Variants in HERC1 observed in about 807,000 individuals in gnomAD.
HERC1 encodes the protein probable E3 ubiquitin-protein ligase HERC1.
A neutral mutation model predicts 554.3 loss-of-function variants in HERC1; 160 were observed. That is an observed-to-expected ratio of 0.29 (90% CI 0.25 to 0.33). The LOEUF is 0.33. HERC1 is among the 10% of genes least tolerant of loss of function. The probability of loss-of-function intolerance (pLI) is 1.00; values close to 1 mark genes in which losing one functional copy is unlikely to be tolerated. For synonymous variants in HERC1, 2,175 were observed against 2,131.7 expected, an observed-to-expected ratio of 1.02 and a Z score of -0.56; for missense variants, 4,919 against 5,918.5, an observed-to-expected ratio of 0.83 and a Z score of 5.54.
intron 1 of HERC1, among the ~76,000 whole-genome samples, chr15:63,817,892 T>C (rs2077548918): frequency 6.6e-6 from 1 of 151,908 alleles, no homozygotes; most frequent in African/African-American, 2.4e-5. Flanking sequence ...TATACTATAA[T>C]AAAAAGATAA....
intron 14 of HERC1, among the ~76,000 whole-genome samples, 184 bp downstream of exon 14, chr15:63,732,740 G>T (rs1261101275): frequency 6.6e-6 from 1 of 152,136 alleles, no homozygotes; most frequent in African/African-American, 2.4e-5. Flanking sequence ...AAATCCCTTT[G>T]AAATTCTCAA....
At chr15:63,618,018 C>T (rs939307643) in intron 74 of HERC1, among the ~76,000 whole-genome samples, 7 of 152,154 alleles carry the variant, frequency 4.6e-5, no homozygotes, top group African/African-American at 1.7e-4. Context: ...AATTAGATCC[C>T]ATTTGTCAAT....
chr15:63,658,518 A>G (rs2152921745), intron 48 of HERC1, 26 bp downstream of exon 48: 2 of 1,587,594 alleles, frequency 1.3e-6, no homozygotes, highest in South Asian at 1.1e-5. Flanking sequence ...TTAACTTAGC[A>G]TCATGTGACA....
chr15:63,666,865 C>T (rs2070668175), intron 40 of HERC1, among the ~76,000 whole-genome samples: 1 of 152,138 alleles, frequency 6.6e-6, no homozygotes, highest in Non-Finnish European at 1.5e-5. Flanking sequence ...CAGCTGAGGT[C>T]CAACAAGGTG....
intron 76 of HERC1, among the ~76,000 whole-genome samples, chr15:63,615,409 G>C (rs2067773073): frequency 6.6e-6 from 1 of 152,184 alleles, no homozygotes; most frequent in African/African-American, 2.4e-5. Flanking sequence ...AGGAGTTCAA[G>C]ACCAGCCTGG....
At position 63,718,470 on chromosome 15, in the gene HERC1, C is replaced by T; in HGVS notation, c.3978+104G>A. 9.5e-7 allele frequency: 1 copy of T among 1,054,504 alleles called. No individual in the cohort carries two copies. Among genetic ancestry groups the T allele is most frequent in the Non-Finnish European group, 1.3e-6 (1 of 746,248 alleles). The allele number at this position is 1,054,504 out of a possible 1,614,324, so 65.3% of individuals were successfully genotyped here. On this transcript the variant is annotated intron_variant, in intron 21 of 77. Transcript: ENST00000443617. The surrounding 1 kb of genome is among the most constrained non-coding windows in gnomAD (Gnocchi z 4.2). Reference sequence around the variant, plus strand: ...AAAGAACTACTCAACATGTATTGAACATATGCAATAACCAAGGCACATTTT... The same window carrying T: ...AAAGAACTACTCAACATGTATTGAATATATGCAATAACCAAGGCACATTTT...
chr15:63,682,785 C>G (rs935761209), intron 34 of HERC1, among the ~76,000 whole-genome samples: 1 of 151,416 alleles, frequency 6.6e-6, no homozygotes, highest in African/African-American at 2.4e-5. Flanking sequence ...AGGAAGAAAA[C>G]TTTTAAAAAC....
intron 14 of HERC1, among the ~76,000 whole-genome samples, chr15:63,731,505 C>A (rs2074291109): frequency 6.6e-6 from 1 of 152,082 alleles, no homozygotes; most frequent in South Asian, 2.1e-4. Context: ...AATTTTTGGT[C>A]ATTAACAAAT....
intron 1 of HERC1, among the ~76,000 whole-genome samples, chr15:63,823,012 C>A (rs556543612): frequency 6.6e-6 from 1 of 152,214 alleles, no homozygotes; most frequent in East Asian, 1.9e-4. Flanking sequence ...CTGTGTTGTA[C>A]AAATTTAGTT....
intron 12 of HERC1, among the ~76,000 whole-genome samples, chr15:63,743,199 C>T (rs1459374578): frequency 1.3e-5 from 2 of 151,268 alleles, no homozygotes; most frequent in African/African-American, 4.9e-5. Flanking sequence ...TGTGCTTCAA[C>T]CTTTTTTATT....
chr15:63,629,204 C>A (rs1442281687), intron 69 of HERC1, among the ~76,000 whole-genome samples: 4 of 152,168 alleles, frequency 2.6e-5, no homozygotes, highest in Non-Finnish European at 5.9e-5. Flanking sequence ...CCCACCTTGG[C>A]CTCCCAAAGT....
intron 1 of HERC1, among the ~76,000 whole-genome samples, chr15:63,789,789 G>A (rs939073164): frequency 2.7e-5 from 2 of 73,142 alleles, no homozygotes; most frequent in East Asian, 2.1e-4. Flanking sequence ...GCGACCAAGC[G>A]AGCCCTGTCT....
intron 65 of HERC1, among the ~76,000 whole-genome samples, chr15:63,635,126 C>T (rs543718414): frequency 6.6e-6 from 1 of 152,012 alleles, no homozygotes; most frequent in African/African-American, 2.4e-5. Flanking sequence ...CAGCTCACTG[C>T]AGCCCCAAAC....
chr15:63,783,720 G>A (rs544258722), intron 1 of HERC1, among the ~76,000 whole-genome samples: 6 of 152,168 alleles, frequency 3.9e-5, no homozygotes, highest in Non-Finnish European at 8.8e-5. Context: ...GGTAGACCAT[G>A]AATTCCTTTG....
At chr15:63,767,653 G>C (rs562590891) in intron 2 of HERC1, among the ~76,000 whole-genome samples, 1 of 152,088 alleles carries the variant, frequency 6.6e-6, no homozygotes, top group African/African-American at 2.4e-5. Flanking sequence ...AGCCGAGATC[G>C]CCCCACCGCA....
chr15:63,737,579 G>T (rs2141228624), intron 12 of HERC1, among the ~76,000 whole-genome samples: 1 of 126,250 alleles, frequency 7.9e-6, no homozygotes, highest in Non-Finnish European at 1.6e-5. Context: ...AAGGGGTTTT[G>T]CATATTGGCC....
chr15:63,829,884 A>C (rs1450119485), intron 1 of HERC1, among the ~76,000 whole-genome samples: 1 of 152,074 alleles, frequency 6.6e-6, no homozygotes, highest in Non-Finnish European at 1.5e-5. Flanking sequence ...AAAATAAATA[A>C]TGATAGTATT....
intron 34 of HERC1, among the ~76,000 whole-genome samples, chr15:63,681,298 C>T (rs2071466159): frequency 6.6e-6 from 1 of 152,046 alleles, no homozygotes; most frequent in Non-Finnish European, 1.5e-5. Context: ...AATTCCTGGG[C>T]TCAAGCAATT....
At chr15:63,626,351 GA>G (rs1227275829) in intron 70 of HERC1, among the ~76,000 whole-genome samples, 197 bp from the exon 71 acceptor site, 4 of 151,984 alleles carry the variant, frequency 2.6e-5, no homozygotes, top group African/African-American at 2.4e-5. Context: ...AGGGGGCGGA[GA>G]AAAAAATAAA....
Sources: gnomAD v4.1 joint callset for allele counts (sites outside exome capture counted in the v4.1 genomes callset) on GRCh38, gnomAD v4.1.1 for gene constraint, Gnocchi (gnomAD v3.1) non-coding constraint, MANE v1.5 for transcripts, NCBI Gene and HGNC (gene_info 2026-07-23, HGNC 2026-07-21) for gene names.